The following RDH12 variants were observed in gnomAD, a reference collection of about 807,000 sequenced individuals.
The protein encoded by RDH12 is all-trans and 9-cis retinol dehydrogenase.
In RDH12, 21 loss-of-function variants were observed where a neutral mutation model predicts 34.0. The observed-to-expected ratio is 0.62, with a 90% CI of 0.44 to 0.89. RDH12 has a LOEUF of 0.89. RDH12 is among the 40% of genes least tolerant of loss of function. The pLI, the probability that RDH12 is intolerant of heterozygous loss-of-function variation, is 0.00. For missense variants in RDH12, 394 were observed against 398.6 expected (o/e 0.99, Z 0.10); for synonymous variants, 198 against 169.9 (o/e 1.17, Z -1.29).
chr14:67,721,495 C>A (rs1359523314), intron 2 of RDH12, among the ~76,000 whole-genome samples: 2 of 152,140 alleles, frequency 1.3e-5, no homozygotes, highest in African/African-American at 4.8e-5. Flanking sequence ...GATCCCCCTA[C>A]CTTGGGCTCT....
chr14:67,708,794 CTTTTTTTTT>C (rs377047632), intron 1 of RDH12, among the ~76,000 whole-genome samples: 25 of 136,900 alleles, frequency 1.8e-4, no homozygotes, highest in Non-Finnish European at 3.4e-4. Flanking sequence ...TTAATAATAC[CTTTTTTTTT>C]TTTTTTTTGA....
intron 1 of RDH12, among the ~76,000 whole-genome samples, chr14:67,719,864 A>C (rs1306890046): frequency 1.3e-5 from 2 of 152,116 alleles, no homozygotes; most frequent in African/African-American, 2.4e-5. Context: ...ACTATCTATT[A>C]TGTGGCTTTA....
At chr14:67,728,767 G>A (rs2038225741) in intron 7 of RDH12, among the ~76,000 whole-genome samples, 2 of 149,690 alleles carry the variant, frequency 1.3e-5, no homozygotes, top group South Asian at 4.2e-4. Context: ...CTCATGAAAT[G>A]TGCTTGCCAG....
intron 1 of RDH12, among the ~76,000 whole-genome samples, chr14:67,718,290 T>C (rs188872628): frequency 6.6e-6 from 1 of 152,170 alleles, no homozygotes; most frequent in East Asian, 1.9e-4. Flanking sequence ...ATTTGAAGAA[T>C]AGGGAAGAGG....
At chr14:67,701,993 G>A (rs1208775460) in intron 1 of RDH12, 58 bp downstream of exon 1, 1 of 151,976 alleles carries the variant, frequency 6.6e-6, no homozygotes, top group African/African-American at 2.4e-5. Context: ...GTATCTCACT[G>A]TGTTGTAGAG....
At chr14:67,726,564 G>A (rs555756516) in intron 6 of RDH12, among the ~76,000 whole-genome samples, 1 of 152,292 alleles carries the variant, frequency 6.6e-6, no homozygotes, top group African/African-American at 2.4e-5. Context: ...ACGAGGCAGG[G>A]TGGGGTTCAG....
rs1566847499 is a variant in RDH12 at position 67,726,147 on chromosome 14, A to C, written c.440A>C (p.Asn147Thr). 1.9e-6 allele frequency: 3 copies of C among 1,601,906 alleles called. No individual in the cohort carries two copies. Among genetic ancestry groups the C allele is most frequent in the Non-Finnish European group, 2.6e-6 (3 of 1,168,882 alleles). Residue 147 changes from asparagine (N) to threonine (T), a missense_variant, in exon 6 of 9, where the codon AAC becomes ACC. Coordinates refer to ENST00000551171, the MANE Select transcript of RDH12 (RefSeq NM_152443.3). Reference sequence around the variant, plus strand: ...GGCTTTGAAACCCACCTGGGAGTCAACCACCTGGGTAAGTATCTTTGGGTG... The same window carrying C: ...GGCTTTGAAACCCACCTGGGAGTCACCCACCTGGGTAAGTATCTTTGGGTG... ...ADGFETHLGV[N>T]HLGHFLLTYL...
chr14:67,719,956 G>T (rs2038105221), intron 1 of RDH12, among the ~76,000 whole-genome samples: 1 of 152,144 alleles, frequency 6.6e-6, no homozygotes, highest in Non-Finnish European at 1.5e-5. Flanking sequence ...ATACATGGAA[G>T]TCGAATGTTT....
intron 1 of RDH12, among the ~76,000 whole-genome samples, 194 bp downstream of exon 1, chr14:67,702,129 TA>T (rs1171227762): frequency 6.6e-6 from 1 of 151,926 alleles, no homozygotes. Context: ...TTTAAAAATT[TA>T]ATATATATAT....
intron 1 of RDH12, among the ~76,000 whole-genome samples, chr14:67,710,435 G>A (rs1471954571): frequency 6.6e-6 from 1 of 152,046 alleles, no homozygotes; most frequent in African/African-American, 2.4e-5. Flanking sequence ...TCCGCTTATT[G>A]TGACTTACAT....
intron 1 of RDH12, among the ~76,000 whole-genome samples, chr14:67,712,384 T>C (rs922729659): frequency 1.3e-5 from 2 of 151,810 alleles, no homozygotes; most frequent in African/African-American, 4.8e-5. Context: ...AATAAAGACA[T>C]TTCTAAGTGT....
rs1296699520 is a variant in RDH12 at position 67,725,232 on chromosome 14, C to A, written c.321C>A (p.Ala107=). The part of the protein sequence containing the change: ...LDLSDTKSIR[A]FAEGFLAEEK... ...TATCCGACACCAAATCTATCCGAGC[C>A]TTTGCTGAGGGCTTTCTGGCAGGTG... Residue 107 remains alanine, a synonymous_variant, in exon 5 of 9, where the codon GCC becomes GCA. Transcript: ENST00000551171. 24 of 1,613,470 alleles carry A rather than the reference C, an allele frequency of 1.5e-5. No individual in the cohort carries two copies. Among genetic ancestry groups the A allele is most frequent in the Non-Finnish European group, 2.0e-5 (24 of 1,180,040 alleles).
rs781331005 is a variant in RDH12 at position 67,726,156 on chromosome 14, G to T, written c.448+1G>T. 1 of 1,588,080 alleles carries T rather than the reference G, an allele frequency of 6.3e-7. No individual in the cohort carries two copies. Among genetic ancestry groups the T allele is most frequent in the Admixed American group, 1.7e-5 (1 of 59,988 alleles). ...ACCCACCTGGGAGTCAACCACCTGG[G>T]TAAGTATCTTTGGGTGACTAAAAAA... On this transcript the variant is annotated splice_donor_variant, in intron 6 of 8. Coordinates refer to ENST00000551171, the MANE Select transcript of RDH12 (RefSeq NM_152443.3). LOFTEE classifies it high-confidence loss of function.
intron 3 of RDH12, among the ~76,000 whole-genome samples, chr14:67,723,483 C>T (rs538716206): frequency 9.2e-5 from 14 of 152,314 alleles, no homozygotes; most frequent in African/African-American, 2.9e-4. Context: ...GACCATCCCA[C>T]GTTGGCCTCC....
chr14:67,708,452 C>T (rs961906662), intron 1 of RDH12, among the ~76,000 whole-genome samples: 3 of 152,084 alleles, frequency 2.0e-5, no homozygotes, highest in African/African-American at 4.8e-5. Context: ...GATTATAAAA[C>T]CACCTTCTAA....
intron 1 of RDH12, among the ~76,000 whole-genome samples, chr14:67,707,216 T>C (rs1166452857): frequency 2.6e-5 from 4 of 152,192 alleles, no homozygotes; most frequent in African/African-American, 9.7e-5. Flanking sequence ...TTTGAAGACT[T>C]GTAGCCAACA....
chr14:67,731,207 C>CTTTTT (rs71129853), intron 8 of RDH12, among the ~76,000 whole-genome samples: 11 of 90,616 alleles, frequency 1.2e-4, no homozygotes, highest in African/African-American at 3.9e-4. Flanking sequence ...TTCTTTCTTT[C>CTTTTT]TTTTTTTTTT....
chr14:67,703,949 A>C (rs1432669496), intron 1 of RDH12, among the ~76,000 whole-genome samples: 2 of 152,188 alleles, frequency 1.3e-5, no homozygotes, highest in African/African-American at 2.4e-5. Context: ...AAGTGCTGGG[A>C]TTACAGGCGT....
chr14:67,705,774 T>C (rs927231021), intron 1 of RDH12, among the ~76,000 whole-genome samples: 1 of 152,212 alleles, frequency 6.6e-6, no homozygotes, highest in African/African-American at 2.4e-5. Context: ...AAATAAGATG[T>C]TTTAAAAGAC....
Sources: gnomAD v4.1 joint callset for allele counts (sites outside exome capture counted in the v4.1 genomes callset) on GRCh38, gnomAD v4.1.1 for gene constraint, MANE v1.5 for transcripts, NCBI Gene and HGNC (gene_info 2026-07-23, HGNC 2026-07-21) for gene names.